Variants in PGR observed in about 807,000 individuals in gnomAD.
PGR encodes the protein nuclear receptor subfamily 3 group C member 3.
In PGR, 25 loss-of-function variants were observed where a neutral mutation model predicts 76.1. The ratio of observed to expected loss-of-function variants is 0.33; its 90% confidence interval spans 0.24 to 0.46. PGR has a LOEUF of 0.46. Among genes scored for constraint, PGR ranks in the 20% least tolerant of loss-of-function variants. The pLI, the probability that PGR is intolerant of heterozygous loss-of-function variation, is 1.00. For synonymous variants in PGR, 579 were observed against 535.0 expected (o/e 1.08, Z -1.14); for missense variants, 1,172 against 1,225.3 (o/e 0.96, Z 0.65).
At chr11:101,064,872 C>T (rs1009075301) in intron 3 of PGR, among the ~76,000 whole-genome samples, 3 of 152,146 alleles carry the variant, frequency 2.0e-5, no homozygotes, top group Non-Finnish European at 2.9e-5. Flanking sequence ...CTGTCTCTAT[C>T]TTTAGATATG....
At chr11:101,040,668 G>A (rs1591365059) in intron 7 of PGR, among the ~76,000 whole-genome samples, 1 of 152,024 alleles carries the variant, frequency 6.6e-6, no homozygotes, top group South Asian at 2.1e-4. Context: ...TTCATCACTG[G>A]TATACTTTAA....
At chr11:101,072,789 C>T (rs1281728105) in intron 3 of PGR, among the ~76,000 whole-genome samples, 3 of 151,898 alleles carry the variant, frequency 2.0e-5, no homozygotes, top group African/African-American at 7.2e-5. Context: ...CCTAAAAATA[C>T]GTACTCAATA....
chr11:101,033,531 A>G lies in PGR; in HGVS notation c.*5585T>C, dbSNP rs1042383748. ...TTTTATACTATCAAGTTAAGGCTGC[A>G]CAAAATATATCAAATCTGTGTGGAT... On this transcript the variant is annotated 3_prime_UTR_variant, in exon 8 of 8. Transcript: ENST00000325455. 2 of 192,412 alleles carry G rather than the reference A, an allele frequency of 1.0e-5. No homozygotes were observed. Among genetic ancestry groups the G allele is most frequent in the African/African-American group, 4.6e-5 (2 of 43,100 alleles). 11.9% of individuals were successfully genotyped at this position (192,412 alleles called of 1,614,324 possible). A position where few individuals can be genotyped will look rare whatever the true frequency, so the allele number is the denominator to read the frequency against.
rs11571187 is a variant in PGR at position 101,089,976 on chromosome 11, A to G, written c.1906+1784T>C. Among the ~76,000 whole-genome samples the G allele has an allele frequency of 8.0e-3, 1,221 of 152,314 alleles. 20 individuals are homozygous for G. The highest frequency in any genetic ancestry group is 0.028 in the African/African-American group (1,165 of 41,574). On this transcript the variant is annotated intron_variant, in intron 3 of 7. Transcript: ENST00000325455. Reference sequence around the variant, plus strand: ...CACTTTAGAAGGCCGAGGTGGGCAGATCACCTGAGGTCAGGAGTTCAAAAC... The same window carrying G: ...CACTTTAGAAGGCCGAGGTGGGCAGGTCACCTGAGGTCAGGAGTTCAAAAC...
chr11:101,126,115 A>T lies in PGR; in HGVS notation c.1681T>A (p.Ser561Thr). Reference sequence around the variant, plus strand: ...ATTAAACAAATCTTCTGAGGTAATGACTCGAAGCTGTATTGTGGGCTCTGG... The same window carrying T: ...ATTAAACAAATCTTCTGAGGTAATGTCTCGAAGCTGTATTGTGGGCTCTGG... ...ASQSPQYSFE[S>T]LPQKICLICG... Residue 561 changes from serine (S) to threonine (T), a missense_variant, in exon 2 of 8, where the codon TCA becomes ACA. By Grantham distance (58) the Ser-to-Thr change is moderately conservative (BLOSUM62 1). Coordinates refer to ENST00000325455, the MANE Select transcript of PGR (RefSeq NM_000926.4). 1 of 1,614,070 alleles carries T rather than the reference A, an allele frequency of 6.2e-7. No individual in the cohort carries two copies. Among genetic ancestry groups the T allele is most frequent in the Non-Finnish European group, 8.5e-7 (1 of 1,179,948 alleles).
At position 101,035,740 on chromosome 11, in the gene PGR, A is replaced by G. The variant is rs1859489248; in HGVS notation, c.*3376T>C. The G allele has an allele frequency of 4.3e-6, 1 of 231,960 alleles. No individual in the cohort carries two copies. Among genetic ancestry groups the G allele is most frequent in the Non-Finnish European group, 8.5e-6 (1 of 117,388 alleles). 14.4% of individuals were successfully genotyped at this position (231,960 alleles called of 1,614,324 possible). On this transcript the variant is annotated 3_prime_UTR_variant, in exon 8 of 8. Transcript: ENST00000325455. ...ACAGGCCCTAAACTCAAAACACTGTATTTTTTCAGCAGAAGAAATTACTTG... is the reference window on the plus strand; with the variant it reads ...ACAGGCCCTAAACTCAAAACACTGTGTTTTTTCAGCAGAAGAAATTACTTG...
chr11:101,059,842 C>CAAAAAAA (rs781123527), intron 4 of PGR, among the ~76,000 whole-genome samples: 13 of 62,780 alleles, frequency 2.1e-4, no homozygotes, highest in East Asian at 8.2e-4. Flanking sequence ...GACCCTCTCT[C>CAAAAAAA]AAAAAAAAAA....
At chr11:101,094,010 A>G (rs964324718) in intron 2 of PGR, among the ~76,000 whole-genome samples, 4 of 152,088 alleles carry the variant, frequency 2.6e-5, no homozygotes, top group African/African-American at 7.2e-5. Flanking sequence ...CCTTCAAACA[A>G]TTCCTTCCTA....
chr11:101,055,566 T>TA (rs34809464), intron 4 of PGR, among the ~76,000 whole-genome samples: 3 of 152,014 alleles, frequency 2.0e-5, no homozygotes, highest in African/African-American at 4.8e-5. Context: ...TATAACTTTC[T>TA]AAAAAAAGTA....
intron 2 of PGR, among the ~76,000 whole-genome samples, chr11:101,115,517 A>G (rs1862473599): frequency 6.6e-6 from 1 of 152,164 alleles, no homozygotes; most frequent in Non-Finnish European, 1.5e-5. Flanking sequence ...CACGCCTGTA[A>G]TCCCAGCACT....
chr11:101,113,169 A>G (rs542997246), intron 2 of PGR, among the ~76,000 whole-genome samples: 10 of 152,334 alleles, frequency 6.6e-5, no homozygotes, highest in Admixed American at 2.0e-4. Context: ...TATCTACAAA[A>G]CAACAGTGTC....
At chr11:101,059,636 C>T (rs537449078) in intron 4 of PGR, among the ~76,000 whole-genome samples, 51 of 151,804 alleles carry the variant, frequency 3.4e-4, no homozygotes, top group African/African-American at 1.2e-3. Context: ...GAGTTCAAGA[C>T]CAGCCTGGGT....
intron 2 of PGR, among the ~76,000 whole-genome samples, chr11:101,101,887 G>A (rs894285372): frequency 6.6e-6 from 1 of 152,112 alleles, no homozygotes; most frequent in Non-Finnish European, 1.5e-5. Context: ...GAGAATTCAC[G>A]TATACAGAAG....
chr11:101,083,480 T>G (rs1027136236), intron 3 of PGR, among the ~76,000 whole-genome samples: 7 of 152,084 alleles, frequency 4.6e-5, no homozygotes, highest in Non-Finnish European at 8.8e-5. Context: ...CAGCTTGCAT[T>G]GTGTGCCTGG....
At chr11:101,090,840 A>G (rs968004923) in intron 3 of PGR, among the ~76,000 whole-genome samples, 6 of 152,230 alleles carry the variant, frequency 3.9e-5, no homozygotes, top group African/African-American at 1.4e-4. Flanking sequence ...ATTTGCAAAA[A>G]CAAATGAGGT....
Position 101,036,553 on chromosome 11 carries a change from G to GGA in PGR, c.*2561_*2562dup. On this transcript the variant is annotated 3_prime_UTR_variant, in exon 8 of 8. Transcript: ENST00000325455. ...ATGGTTATGATGACTAAATAGTAAT[G>GGA]GAGACATTAGTAGATAGGACTTTGT... 1 of 198,168 alleles carries GGA rather than the reference G, an allele frequency of 5.0e-6. No individual in the cohort carries two copies. The highest frequency in any genetic ancestry group is 1.0e-5 in the Non-Finnish European group (1 of 95,774). The allele number at this position is 198,168 out of a possible 1,614,324, so 12.3% of individuals were successfully genotyped here. A position where few individuals can be genotyped will look rare whatever the true frequency, so the allele number is the denominator to read the frequency against.
intron 6 of PGR, among the ~76,000 whole-genome samples, chr11:101,044,696 ATTGC>A (rs1859803101): frequency 1.5e-5 from 2 of 134,322 alleles, no homozygotes; most frequent in Non-Finnish European, 3.1e-5. Context: ...AGTTGGCCTA[ATTGC>A]TTTTTTTTTT....
At chr11:101,097,778 CTT>C (rs145454653) in intron 2 of PGR, among the ~76,000 whole-genome samples, 88 of 129,746 alleles carry the variant, frequency 6.8e-4, no homozygotes, top group East Asian at 1.3e-3. Context: ...AAGTGTTACT[CTT>C]TTTTTTTTTT....
intron 3 of PGR, 81 bp downstream of exon 3, chr11:101,091,679 T>A: frequency 2.4e-6 from 2 of 816,546 alleles, no homozygotes; most frequent in Non-Finnish European, 4.3e-6. Flanking sequence ...CAAAGATGAA[T>A]AAGAAATTGC....
Sources: gnomAD v4.1 joint callset for allele counts (sites outside exome capture counted in the v4.1 genomes callset) on GRCh38, gnomAD v4.1.1 for gene constraint, MANE v1.5 for transcripts, NCBI Gene and HGNC (gene_info 2026-07-23, HGNC 2026-07-21) for gene names.